The following TET3 variants were observed in gnomAD, a reference collection of about 807,000 sequenced individuals.
TET3 encodes the protein tet methylcytosine dioxygenase 3, also known as methylcytosine dioxygenase TET3.
In TET3, 19 loss-of-function variants were observed where a neutral mutation model predicts 141.4. That is an observed-to-expected ratio of 0.13 (90% CI 0.09 to 0.20). The LOEUF is 0.20. TET3 is among the 10% of genes least tolerant of loss of function. The probability of loss-of-function intolerance (pLI) is 1.00; values close to 1 mark genes in which losing one functional copy is unlikely to be tolerated. For missense variants in TET3, 1,874 were observed against 2,356.9 expected, an observed-to-expected ratio of 0.80 and a Z score of 4.24; for synonymous variants, 1,043 against 980.9, an observed-to-expected ratio of 1.06 and a Z score of -1.18.
chr2:74,117,289 C>A, the TET3 span, among the ~76,000 whole-genome samples: 1 of 152,086 alleles, frequency 6.6e-6, no homozygotes. Context: ...TTTAGCCAGG[C>A]TGGCCTTGAA....
chr2:74,044,911 A>G (rs761954962), intron 3 of TET3, among the ~76,000 whole-genome samples: 12 of 152,220 alleles, frequency 7.9e-5, no homozygotes, highest in Non-Finnish European at 1.6e-4. Context: ...CCATATTCAC[A>G]TTTCATGACT....
At chr2:74,080,687 A>T in intron 6 of TET3, 96 bp downstream of exon 6, 1 of 344,814 alleles carries the variant, frequency 2.9e-6, no homozygotes, top group Non-Finnish European at 5.0e-6. Flanking sequence ...CATGTAGCTG[A>T]GCAGGCGAGG....
At chr2:74,011,518 C>G (rs1685433040) in intron 3 of TET3, among the ~76,000 whole-genome samples, 1 of 152,196 alleles carries the variant, frequency 6.6e-6, no homozygotes, top group Non-Finnish European at 1.5e-5. Context: ...TGTGGGTGCT[C>G]CTGAAACTGA....
intron 3 of TET3, among the ~76,000 whole-genome samples, chr2:74,004,092 C>G (rs1045485718): frequency 9.9e-5 from 15 of 152,100 alleles, no homozygotes; most frequent in Non-Finnish European, 1.9e-4. Context: ...GTGGCTGCCT[C>G]TGAAGTCCAA....
intron 5 of TET3, among the ~76,000 whole-genome samples, chr2:74,074,780 A>G (rs1689401208): frequency 6.6e-6 from 1 of 152,272 alleles, no homozygotes; most frequent in Non-Finnish European, 1.5e-5. Flanking sequence ...CATGAGGACT[A>G]TGGAAAAGGT....
rs147269745 is a variant in TET3, at chr2:73,999,945, C to T, written c.304-3165C>T. ...GGACTGCCTGGGGGACTATGGGCTC[C>T]TCCTCTGGGCTACTTCTCTGGTGTA... is the stretch of plus-strand genomic sequence containing the variant. On this transcript the variant is annotated intron_variant, in intron 2 of 11. Transcript: ENST00000409262. 6.4e-4 allele frequency among the ~76,000 whole-genome samples: 98 copies of T among 151,988 alleles called. 1 individual carries two copies. The East Asian group carries it at 0.019, about 29-fold the overall frequency.
intron 6 of TET3, among the ~76,000 whole-genome samples, chr2:74,084,761 C>T (rs747855841): frequency 2.6e-5 from 4 of 152,100 alleles, no homozygotes; most frequent in Admixed American, 6.5e-5. Flanking sequence ...CCCAGTGAGA[C>T]CCCGTTTCTA....
chr2:74,117,753 T>C, the TET3 span, among the ~76,000 whole-genome samples: 2 of 135,410 alleles, frequency 1.5e-5, no homozygotes, highest in Non-Finnish European at 3.1e-5. Context: ...ATCTATTATA[T>C]ATATTTTTTT....
chr2:74,003,289 C>T (rs1684961643), intron 3 of TET3, 123 bp downstream of exon 3: 2 of 1,316,378 alleles, frequency 1.5e-6, no homozygotes, highest in African/African-American at 2.9e-5. Flanking sequence ...GTGTGTGTAG[C>T]AGCAGCTGAG....
rs1691452218 is a variant in TET3 at position 74,105,657 on chromosome 2, T to C, written c.*3481T>C. On this transcript the variant is annotated 3_prime_UTR_variant, in exon 12 of 12. Coordinates refer to ENST00000409262, the MANE Select transcript of TET3 (RefSeq NM_001287491.2). ...TCTTGGTCCTTCCACCAGCCTCTTTTGGGAACAGTAGTTTGCAGAGCAAGG... is the reference window on the plus strand; with the variant it reads ...TCTTGGTCCTTCCACCAGCCTCTTTCGGGAACAGTAGTTTGCAGAGCAAGG... 12 of 341,318 alleles carry C rather than the reference T, an allele frequency of 3.5e-5. No individual in the cohort carries two copies. The East Asian group carries it at 5.3e-4, about 15-fold the overall frequency. 21.1% of individuals were successfully genotyped at this position (341,318 alleles called of 1,614,324 possible).
At chr2:74,113,044 T>C (rs1691743730), downstream of TET3, among the ~76,000 whole-genome samples, 1 of 138,072 alleles carries the variant, frequency 7.2e-6, no homozygotes, top group South Asian at 2.4e-4. Context: ...AACCCACAGT[T>C]AACATCTTAC....
chr2:73,999,657 G>T (rs1684752354), intron 2 of TET3, among the ~76,000 whole-genome samples: 1 of 152,162 alleles, frequency 6.6e-6, no homozygotes, highest in Non-Finnish European at 1.5e-5. Flanking sequence ...GGGTCTGGGG[G>T]TTGTGATAGA....
At chr2:74,058,881 TGAA>T (rs1197675847) in intron 4 of TET3, among the ~76,000 whole-genome samples, 2 of 152,166 alleles carry the variant, frequency 1.3e-5, no homozygotes, top group Non-Finnish European at 1.5e-5. Context: ...AAAAGTCAGT[TGAA>T]GAATAACATT....
intron 4 of TET3, among the ~76,000 whole-genome samples, chr2:74,062,035 C>G (rs1049566634): frequency 2.6e-5 from 4 of 152,204 alleles, no homozygotes; most frequent in African/African-American, 4.8e-5. Context: ...CGGGCAGAGG[C>G]TGCAGTCTCG....
chr2:74,017,831 G>A, intron 3 of TET3, among the ~76,000 whole-genome samples: 1 of 151,990 alleles, frequency 6.6e-6, no homozygotes, highest in East Asian at 1.9e-4. Context: ...TTCCGTAATG[G>A]CTGTACTAAT....
the TET3 span, among the ~76,000 whole-genome samples, chr2:74,126,250 C>T: frequency 6.6e-6 from 1 of 152,142 alleles, no homozygotes; most frequent in African/African-American, 2.4e-5. Flanking sequence ...AGTAGATCAG[C>T]TGTTTTAATG....
chr2:74,032,505 G>GGCCCCAGCGGC (rs1686803031), intron 3 of TET3, among the ~76,000 whole-genome samples: 1 of 100,098 alleles, frequency 1.0e-5, no homozygotes, highest in African/African-American at 5.1e-5. Context: ...GTGTGTGTGT[G>GGCCCCAGCGGC]TGTTAGGGGA....
At chr2:74,073,675 G>A (rs746240735) in intron 5 of TET3, 36 bp downstream of exon 5, 3 of 1,532,088 alleles carry the variant, frequency 2.0e-6, no homozygotes, top group African/African-American at 2.8e-5. Context: ...AGAAATGGAT[G>A]TGCTGTTAAT....
downstream of TET3, among the ~76,000 whole-genome samples, chr2:74,108,592 A>G (rs6721329): frequency 0.02 from 3,019 of 152,304 alleles, 104 homozygotes; most frequent in African/African-American, 0.069. Context: ...GGGATTGGCT[A>G]ATATACGGAA....
Sources: gnomAD v4.1 joint callset for allele counts (sites outside exome capture counted in the v4.1 genomes callset) on GRCh38, gnomAD v4.1.1 for gene constraint, MANE v1.5 for transcripts, NCBI Gene and HGNC (gene_info 2026-07-23, HGNC 2026-07-21) for gene names.